NCK2: variants seen among roughly 807,000 people sequenced by gnomAD.
NCK2 encodes NCK adaptor protein 2.
A neutral mutation model predicts 33.9 loss-of-function variants in NCK2; 16 were observed. The observed-to-expected ratio is 0.47, with a 90% CI of 0.32 to 0.72. The LOEUF (loss-of-function observed/expected upper bound fraction) is 0.72. Among genes scored for constraint, NCK2 ranks in the 30% least tolerant of loss-of-function variants. NCK2 has a pLI of 0.03. For synonymous variants in NCK2, 273 were observed against 239.9 expected, an observed-to-expected ratio of 1.14 and a Z score of -1.27; for missense variants, 418 against 537.3, an observed-to-expected ratio of 0.78 and a Z score of 2.19.
chr2:105,883,861 TAGAA>T (rs573307782), intron 4 of NCK2, among the ~76,000 whole-genome samples: 357 of 152,332 alleles, frequency 2.3e-3, no homozygotes, highest in African/African-American at 7.6e-3. Context: ...TCTCCTAACT[TAGAA>T]AGTCAAGGAA....
intron 2 of NCK2, among the ~76,000 whole-genome samples, chr2:105,838,623 T>G (rs1281082476): frequency 6.6e-6 from 1 of 152,230 alleles, no homozygotes; most frequent in Non-Finnish European, 1.5e-5. Context: ...AGAAGTGGGA[T>G]TGTTTTAAAT....
intron 1 of NCK2, among the ~76,000 whole-genome samples, chr2:105,750,635 G>A (rs939645265): frequency 5.9e-5 from 9 of 152,210 alleles, no homozygotes; most frequent in African/African-American, 2.2e-4. Context: ...ACAAGCCTTG[G>A]TGCTGGCCTT....
upstream of NCK2, among the ~76,000 whole-genome samples, chr2:105,744,488 A>C (rs1689190340): frequency 6.6e-6 from 1 of 152,098 alleles, no homozygotes; most frequent in African/African-American, 2.4e-5. Flanking sequence ...AAAAAAGAGG[A>C]CGCAAAGCCC....
intron 1 of NCK2, among the ~76,000 whole-genome samples, chr2:105,766,098 T>G (rs1344453638): frequency 6.6e-6 from 1 of 152,122 alleles, no homozygotes; most frequent in African/African-American, 2.4e-5. Flanking sequence ...CGCTTTATAC[T>G]GTTCCCTTCA....
chr2:105,781,468 T>C (rs549842817), intron 1 of NCK2, among the ~76,000 whole-genome samples: 1 of 152,352 alleles, frequency 6.6e-6, no homozygotes, highest in Non-Finnish European at 1.5e-5. Flanking sequence ...CTTGGCCTTC[T>C]AGTCCATGTA....
chr2:105,864,828 TACACACACACACACACACACACAC>T (rs10524426), intron 3 of NCK2, among the ~76,000 whole-genome samples: 7 of 144,460 alleles, frequency 4.8e-5, no homozygotes, highest in South Asian at 4.5e-4. Context: ...CATGTGCATG[TACACACACACACACACACACACAC>T]ACACACACAC....
At chr2:105,833,219 C>T (rs1017460723) in intron 2 of NCK2, among the ~76,000 whole-genome samples, 3 of 151,890 alleles carry the variant, frequency 2.0e-5, no homozygotes, top group East Asian at 1.9e-4. Flanking sequence ...CTCAATCTCC[C>T]GAGTAGCTGG....
intron 2 of NCK2, among the ~76,000 whole-genome samples, chr2:105,818,845 C>CTACT (rs1675610749): frequency 6.6e-6 from 1 of 152,152 alleles, no homozygotes; most frequent in Non-Finnish European, 1.5e-5. Flanking sequence ...TGGTCTGCTA[C>CTACT]TACTACAAAC....
chr2:105,844,242 G>C (rs1170860491), intron 2 of NCK2, among the ~76,000 whole-genome samples: 1 of 152,280 alleles, frequency 6.6e-6, no homozygotes, highest in African/African-American at 2.4e-5. Context: ...CTAAGCAGAC[G>C]TGACAACTAA....
intron 2 of NCK2, among the ~76,000 whole-genome samples, chr2:105,820,716 A>G (rs547763290): frequency 1.3e-5 from 2 of 152,342 alleles, no homozygotes; most frequent in African/African-American, 4.8e-5. Flanking sequence ...GAGGCTGGCC[A>G]TTACTAGGGA....
At chr2:105,873,773 A>G (rs1268193591) in intron 3 of NCK2, among the ~76,000 whole-genome samples, 2 of 152,192 alleles carry the variant, frequency 1.3e-5, no homozygotes, top group Non-Finnish European at 2.9e-5. Flanking sequence ...GATTGGATCC[A>G]GGGGTGCAAC....
At chr2:105,836,931 C>A (rs1353428327) in intron 2 of NCK2, among the ~76,000 whole-genome samples, 1 of 152,186 alleles carries the variant, frequency 6.6e-6, no homozygotes, top group Non-Finnish European at 1.5e-5. Context: ...ATGCCAGGTA[C>A]CTCCCTTTAT....
intron 1 of NCK2, among the ~76,000 whole-genome samples, chr2:105,802,053 C>G (rs1246444235): frequency 6.6e-6 from 1 of 152,160 alleles, no homozygotes; most frequent in Non-Finnish European, 1.5e-5. Flanking sequence ...CTGCCTTTGA[C>G]CATGATTTGT....
chr2:105,780,661 C>T (rs574182317), intron 1 of NCK2, among the ~76,000 whole-genome samples: 1 of 152,168 alleles, frequency 6.6e-6, no homozygotes, highest in African/African-American at 2.4e-5. Flanking sequence ...ATCCTACCCC[C>T]CAAGGTGATG....
At chr2:105,818,625 A>G (rs926060425) in intron 2 of NCK2, among the ~76,000 whole-genome samples, 4 of 152,296 alleles carry the variant, frequency 2.6e-5, no homozygotes, top group South Asian at 2.1e-4. Flanking sequence ...TTGGTGTCCA[A>G]CTTTTAGGTG....
intron 3 of NCK2, among the ~76,000 whole-genome samples, chr2:105,863,217 G>A (rs1212286155): frequency 6.6e-6 from 1 of 152,076 alleles, no homozygotes; most frequent in Non-Finnish European, 1.5e-5. Context: ...TTCTCATTTC[G>A]GCATTATAGG....
At chr2:105,841,336 T>C (rs1676637389) in intron 2 of NCK2, among the ~76,000 whole-genome samples, 1 of 152,202 alleles carries the variant, frequency 6.6e-6, no homozygotes, top group African/African-American at 2.4e-5. Flanking sequence ...TAAAGTTGGC[T>C]TAATAAACTT....
At chr2:105,761,290 C>T (rs1689756555) in intron 1 of NCK2, among the ~76,000 whole-genome samples, 1 of 152,120 alleles carries the variant, frequency 6.6e-6, no homozygotes, top group Admixed American at 6.5e-5. Context: ...CATTTTAACT[C>T]CTGGCTGACT....
chr2:105,782,319 C>G (rs1690526664), intron 1 of NCK2, among the ~76,000 whole-genome samples: 1 of 152,124 alleles, frequency 6.6e-6, no homozygotes, highest in Non-Finnish European at 1.5e-5. Flanking sequence ...TCCACCAGCC[C>G]ATGGGGATTA....
Sources: allele counts gnomAD v4.1 joint callset (sites outside exome capture counted in the v4.1 genomes callset), GRCh38; gene constraint gnomAD v4.1.1; transcripts MANE v1.5; gene names NCBI Gene and HGNC (gene_info 2026-07-23, HGNC 2026-07-21).